Variants in ARHGAP24 observed in about 807,000 individuals in gnomAD.
The protein encoded by ARHGAP24 is rho GTPase-activating protein 24.
In ARHGAP24, 50 loss-of-function variants were observed where a neutral mutation model predicts 76.4. The observed-to-expected ratio is 0.65, with a 90% CI of 0.52 to 0.83. ARHGAP24 has a LOEUF of 0.83. ARHGAP24 is among the 40% of genes least tolerant of loss of function. ARHGAP24 has a pLI of 0.00. For missense variants in ARHGAP24, 930 were observed against 914.2 expected (o/e 1.02, Z -0.22); for synonymous variants, 345 against 323.3 (o/e 1.07, Z -0.72).
At chr4:85,564,915 A>G (rs115705864) in intron 1 of ARHGAP24, among the ~76,000 whole-genome samples, 1,243 of 120,888 alleles carry the variant, frequency 0.01, 11 homozygotes, top group Middle Eastern at 0.048. Flanking sequence ...TCTAGGCAGA[A>G]CACACACGGT....
chr4:85,682,785 A>G (rs1723256410), intron 2 of ARHGAP24, among the ~76,000 whole-genome samples: 2 of 152,188 alleles, frequency 1.3e-5, no homozygotes, highest in African/African-American at 2.4e-5. Context: ...TTAGCTTAAG[A>G]GTATTGGACT....
At chr4:85,487,194 T>C (rs1251219666) in intron 1 of ARHGAP24, among the ~76,000 whole-genome samples, 9 of 136,928 alleles carry the variant, frequency 6.6e-5, no homozygotes, top group African/African-American at 2.4e-4. Flanking sequence ...TATATAAAAA[T>C]ATATATTTAT....
chr4:85,839,843 C>CTTTTTTTTTTTTT (rs33974767), intron 3 of ARHGAP24, among the ~76,000 whole-genome samples: 2 of 105,628 alleles, frequency 1.9e-5, no homozygotes, highest in African/African-American at 3.8e-5. Flanking sequence ...TTTCTGTTTT[C>CTTTTTTTTTTTTT]TTTTTTTTTT....
intron 2 of ARHGAP24, among the ~76,000 whole-genome samples, chr4:85,663,090 T>G (rs1481566391): frequency 6.6e-6 from 1 of 151,976 alleles, no homozygotes; most frequent in African/African-American, 2.4e-5. Flanking sequence ...TGGCATTGAA[T>G]CTATAAATTA....
chr4:85,782,190 CTA>C (rs1727598898), intron 3 of ARHGAP24, among the ~76,000 whole-genome samples: 1 of 151,938 alleles, frequency 6.6e-6, no homozygotes, highest in African/African-American at 2.4e-5. Flanking sequence ...TGAAAATATG[CTA>C]TGTTAAGTCA....
At chr4:85,615,862 G>C (rs1271927321) in intron 2 of ARHGAP24, among the ~76,000 whole-genome samples, 47 of 152,168 alleles carry the variant, frequency 3.1e-4, no homozygotes, top group Admixed American at 3.0e-3. Flanking sequence ...TTGGGGAAGT[G>C]GGTGTAAACT....
intron 2 of ARHGAP24, among the ~76,000 whole-genome samples, chr4:85,636,510 A>G (rs969596847): frequency 7.9e-5 from 12 of 151,852 alleles, no homozygotes; most frequent in Admixed American, 7.2e-4. Context: ...AATCTGTAAA[A>G]TGGAGACATT....
intron 3 of ARHGAP24, among the ~76,000 whole-genome samples, chr4:85,771,141 CA>C (rs1727115602): frequency 1.3e-5 from 2 of 152,094 alleles, no homozygotes; most frequent in Non-Finnish European, 2.9e-5. Flanking sequence ...TTTAGAGAAA[CA>C]AAACCAAAAG....
chr4:85,773,101 G>GGA (rs1418033189), intron 3 of ARHGAP24, among the ~76,000 whole-genome samples: 1 of 152,104 alleles, frequency 6.6e-6, no homozygotes, highest in African/African-American at 2.4e-5. Flanking sequence ...TGGAGATATT[G>GGA]GAGTAAGTTT....
At chr4:85,864,548 A>C (rs1732084880) in intron 3 of ARHGAP24, among the ~76,000 whole-genome samples, 1 of 152,096 alleles carries the variant, frequency 6.6e-6, no homozygotes, top group Non-Finnish European at 1.5e-5. Context: ...ATATCTATCT[A>C]TACAAAGACC....
chr4:85,765,318 A>T (rs371203696), intron 3 of ARHGAP24, among the ~76,000 whole-genome samples: 1 of 152,108 alleles, frequency 6.6e-6, no homozygotes, highest in South Asian at 2.1e-4. Context: ...TGCAAGTGGC[A>T]TTAAAACGTT....
intron 3 of ARHGAP24, among the ~76,000 whole-genome samples, chr4:85,809,206 A>C (rs1275017747): frequency 6.6e-6 from 1 of 152,200 alleles, no homozygotes; most frequent in Non-Finnish European, 1.5e-5. Context: ...TGATTGACAT[A>C]TATCTAGCCA....
At chr4:85,983,018 G>A (rs767845670) in intron 8 of ARHGAP24, among the ~76,000 whole-genome samples, 9 of 152,168 alleles carry the variant, frequency 5.9e-5, no homozygotes, top group Non-Finnish European at 8.8e-5. Context: ...AGAACATGGG[G>A]TGGTTGGTTT....
At chr4:85,562,729 G>T (rs916669619) in intron 1 of ARHGAP24, among the ~76,000 whole-genome samples, 4 of 152,134 alleles carry the variant, frequency 2.6e-5, no homozygotes, top group Admixed American at 6.5e-5. Flanking sequence ...CATCCTAATT[G>T]TGTTCCTGGC....
At chr4:85,608,557 T>G (rs1445645229) in intron 2 of ARHGAP24, among the ~76,000 whole-genome samples, 4 of 129,494 alleles carry the variant, frequency 3.1e-5, no homozygotes, top group East Asian at 2.1e-4. Context: ...GGTTGTTTTT[T>G]TTTTTTTTTT....
At chr4:85,546,899 A>C (rs983800933) in intron 1 of ARHGAP24, among the ~76,000 whole-genome samples, 2 of 152,284 alleles carry the variant, frequency 1.3e-5, no homozygotes, top group Non-Finnish European at 1.5e-5. Context: ...ATGCTTTATT[A>C]TTCTATTAAT....
chr4:85,977,139 A>T (rs1212650851), intron 7 of ARHGAP24, among the ~76,000 whole-genome samples: 1 of 152,100 alleles, frequency 6.6e-6, no homozygotes, highest in Non-Finnish European at 1.5e-5. Context: ...AAGCTCACAA[A>T]TTACTCCACA....
At chr4:85,834,378 A>C (rs1730155867) in intron 3 of ARHGAP24, among the ~76,000 whole-genome samples, 1 of 152,234 alleles carries the variant, frequency 6.6e-6, no homozygotes, top group Non-Finnish European at 1.5e-5. Flanking sequence ...AGGAAAATAG[A>C]GAATTGCATA....
chr4:85,989,175 T>G (rs976098443), intron 8 of ARHGAP24, among the ~76,000 whole-genome samples: 2 of 151,478 alleles, frequency 1.3e-5, no homozygotes, highest in African/African-American at 4.8e-5. Context: ...GAAAAAACAA[T>G]GTTACATTAC....
Sources: allele counts gnomAD v4.1 joint callset (sites outside exome capture counted in the v4.1 genomes callset), GRCh38; gene constraint gnomAD v4.1.1; transcripts MANE v1.5; gene names NCBI Gene and HGNC (gene_info 2026-07-23, HGNC 2026-07-21).